Variants in SNTG1 observed in about 807,000 individuals in gnomAD.
The protein encoded by SNTG1 is syntrophin gamma 1.
A neutral mutation model predicts 74.7 loss-of-function variants in SNTG1; 39 were observed. The observed-to-expected ratio is 0.52, with a 90% CI of 0.40 to 0.68. The LOEUF (loss-of-function observed/expected upper bound fraction) is 0.68. Ranked by LOEUF, SNTG1 falls within the 30% of genes least tolerant of loss-of-function variation. SNTG1 has a pLI of 0.00. For synonymous variants in SNTG1, 254 were observed against 217.1 expected, an observed-to-expected ratio of 1.17 and a Z score of -1.49; for missense variants, 685 against 609.5, an observed-to-expected ratio of 1.12 and a Z score of -1.30.
At chr8:50,701,754 C>CT (rs5891384) in intron 15 of SNTG1, among the ~76,000 whole-genome samples, 74,969 of 113,688 alleles carry the variant, frequency 0.66, 21,083 homozygotes, top group East Asian at 0.72. Context: ...TCTCCTTCTT[C>CT]TCCTTCTTCT....
At chr8:50,529,460 A>G (rs1261127978) in intron 9 of SNTG1, among the ~76,000 whole-genome samples, 1 of 152,040 alleles carries the variant, frequency 6.6e-6, no homozygotes, top group Admixed American at 6.5e-5. Flanking sequence ...TTGAGCGTCA[A>G]TTATATTTGT....
chr8:50,446,833 G>A (rs2093412456), intron 5 of SNTG1, among the ~76,000 whole-genome samples: 1 of 152,030 alleles, frequency 6.6e-6, no homozygotes, highest in Non-Finnish European at 1.5e-5. Flanking sequence ...CTTAACCTTG[G>A]GAGATGCATT....
At chr8:50,486,018 C>T (rs1275984499) in intron 8 of SNTG1, among the ~76,000 whole-genome samples, 1 of 152,106 alleles carries the variant, frequency 6.6e-6, no homozygotes, top group African/African-American at 2.4e-5. Context: ...CTGTTCTGTT[C>T]CATTGATCTA....
chr8:49,967,624 G>A (rs920285046), intron 1 of SNTG1, among the ~76,000 whole-genome samples: 1 of 151,938 alleles, frequency 6.6e-6, no homozygotes, highest in African/African-American at 2.4e-5. Flanking sequence ...ATAATTTTTA[G>A]CCTTTTCTCA....
chr8:50,311,001 C>T (rs2090090575), intron 2 of SNTG1, among the ~76,000 whole-genome samples: 1 of 152,192 alleles, frequency 6.6e-6, no homozygotes, highest in African/African-American at 2.4e-5. Flanking sequence ...CAAGATCACA[C>T]AGCTACTTAA....
At chr8:50,013,529 A>G (rs1816027224) in intron 1 of SNTG1, among the ~76,000 whole-genome samples, 1 of 151,792 alleles carries the variant, frequency 6.6e-6, no homozygotes, top group African/African-American at 2.4e-5. Flanking sequence ...ATGTGCACAT[A>G]TATACATATA....
At chr8:50,276,373 T>TTATATATATATATATATATATA (rs6150576) in intron 2 of SNTG1, among the ~76,000 whole-genome samples, 1 of 143,458 alleles carries the variant, frequency 7.0e-6, no homozygotes, top group African/African-American at 2.7e-5. Flanking sequence ...CAAGTAAATT[T>TTATATATATATATATATATATA]TATATATATA....
chr8:50,263,678 T>G (rs947268669), intron 2 of SNTG1, among the ~76,000 whole-genome samples: 1 of 152,146 alleles, frequency 6.6e-6, no homozygotes, highest in Admixed American at 6.6e-5. Context: ...ATTATAAAAA[T>G]TATAGGCATC....
At chr8:49,926,644 G>A (rs1807054888) in intron 1 of SNTG1, among the ~76,000 whole-genome samples, 1 of 152,030 alleles carries the variant, frequency 6.6e-6, no homozygotes. Flanking sequence ...ACTCCTTGAA[G>A]ATATCATAAG....
intron 1 of SNTG1, among the ~76,000 whole-genome samples, chr8:50,141,822 A>G (rs1366260504): frequency 6.6e-6 from 1 of 152,142 alleles, no homozygotes; most frequent in Non-Finnish European, 1.5e-5. Flanking sequence ...ATAAAGATTC[A>G]GTTAAGGTTT....
chr8:50,089,502 A>T (rs1395759204), intron 1 of SNTG1, among the ~76,000 whole-genome samples: 1 of 151,924 alleles, frequency 6.6e-6, no homozygotes, highest in South Asian at 2.1e-4. Flanking sequence ...TTTGCAACCT[A>T]CTCACCTGAC....
rs566404091 is a variant in SNTG1, at chr8:50,750,701, G to C, written c.1285-1300G>C. On this transcript the variant is annotated intron_variant, in intron 17 of 18. Transcript: ENST00000642720. Reference sequence around the variant, plus strand: ...CTTGAATGACCCCTGGCATTTTTTAGTAATAAATTATATTTTAATTAAGGT... The same window carrying C: ...CTTGAATGACCCCTGGCATTTTTTACTAATAAATTATATTTTAATTAAGGT... 2.4e-4 allele frequency among the ~76,000 whole-genome samples: 36 copies of C among 152,034 alleles called. 1 individual carries two copies. The highest frequency in any genetic ancestry group is 8.2e-4 in the African/African-American group (34 of 41,524).
intron 1 of SNTG1, among the ~76,000 whole-genome samples, chr8:50,035,744 C>A (rs1818103087): frequency 6.6e-6 from 1 of 152,100 alleles, no homozygotes; most frequent in African/African-American, 2.4e-5. Context: ...ACGAAGGACC[C>A]AGACAAGACT....
intron 13 of SNTG1, among the ~76,000 whole-genome samples, chr8:50,598,581 T>A (rs575150733): frequency 1.1e-4 from 17 of 152,114 alleles, no homozygotes; most frequent in African/African-American, 3.9e-4. Flanking sequence ...CATTTCCATA[T>A]GAATTTGAAC....
intron 13 of SNTG1, among the ~76,000 whole-genome samples, chr8:50,595,778 G>A (rs1049594999): frequency 1.3e-5 from 2 of 151,754 alleles, no homozygotes; most frequent in Admixed American, 6.6e-5. Context: ...TTTTAATATT[G>A]CTCATTTAGC....
chr8:50,780,915 G>A (rs1015873000), intron 18 of SNTG1, among the ~76,000 whole-genome samples: 12 of 152,136 alleles, frequency 7.9e-5, no homozygotes, highest in South Asian at 4.2e-4. Flanking sequence ...CTTTGTTCTC[G>A]TTGCTTTCAA....
chr8:50,526,517 G>A (rs1363605038), intron 9 of SNTG1, among the ~76,000 whole-genome samples: 1 of 151,942 alleles, frequency 6.6e-6, no homozygotes, highest in Non-Finnish European at 1.5e-5. Flanking sequence ...ACTATATATT[G>A]TTGCAAAGTT....
At chr8:50,095,998 A>G (rs1393213092) in intron 1 of SNTG1, among the ~76,000 whole-genome samples, 1 of 152,178 alleles carries the variant, frequency 6.6e-6, no homozygotes, top group Non-Finnish European at 1.5e-5. Flanking sequence ...AAAAAATTCC[A>G]TGAATGACAA....
chr8:49,923,976 A>G (rs567665955), intron 1 of SNTG1, among the ~76,000 whole-genome samples: 1 of 152,294 alleles, frequency 6.6e-6, no homozygotes, highest in South Asian at 2.1e-4. Context: ...CATTAGACCT[A>G]TATCTTGGAT....
Sources: allele counts gnomAD v4.1 joint callset (sites outside exome capture counted in the v4.1 genomes callset), GRCh38; gene constraint gnomAD v4.1.1; transcripts MANE v1.5; gene names NCBI Gene and HGNC (gene_info 2026-07-23, HGNC 2026-07-21).